Variants in ASH2L observed in about 807,000 individuals in gnomAD.
ASH2L encodes the protein ASH2 like, histone lysine methyltransferase complex subunit.
ASH2L carries 30 observed loss-of-function variants against 81.1 expected under a neutral mutation model. That is an observed-to-expected ratio of 0.37 (90% CI 0.28 to 0.50). The LOEUF is 0.50. Ranked by LOEUF, ASH2L falls within the 20% of genes least tolerant of loss-of-function variation. The pLI is 0.95. For missense variants in ASH2L, 559 were observed against 792.1 expected (o/e 0.71, Z 3.53); for synonymous variants, 273 against 279.9 (o/e 0.98, Z 0.24).
chr8:38,120,175 A>G (rs1348963017), intron 9 of ASH2L, among the ~76,000 whole-genome samples: 1 of 152,236 alleles, frequency 6.6e-6, no homozygotes, highest in African/African-American at 2.4e-5. Context: ...ATTTAAGTGT[A>G]CATACATTTG....
At chr8:38,138,421 A>C (rs1419517121) in intron 14 of ASH2L, 1 of 172,942 alleles carries the variant, frequency 5.8e-6, no homozygotes, top group East Asian at 1.7e-4. Flanking sequence ...GTAAATCGGC[A>C]CTTCACATAA....
intron 2 of ASH2L, 88 bp downstream of exon 2, chr8:38,106,532 G>C: frequency 8.6e-7 from 1 of 1,158,378 alleles, no homozygotes; most frequent in Non-Finnish European, 1.2e-6. Flanking sequence ...TGTTGCGACG[G>C]AGCCTTGCTC....
In ASH2L at chr8:38,135,750, T is replaced by A; in HGVS notation, c.1703T>A (p.Leu568Gln). Reference protein sequence around the residue: ...FEGVYFPAISLYKSCTVSINF... With the variant: ...FEGVYFPAISQYKSCTVSINF... The stretch of plus-strand genomic sequence containing the variant: ...GGGGTTTACTTCCCAGCCATCTCAC[T>A]GTACAAGAGCTGCACGGTACGTACA... The change falls in exon 14 of 16, where the codon CTG becomes CAG. Residue 568 changes from leucine (L) to glutamine (Q), a missense_variant. Physicochemically the swap from Leu to Gln is moderately radical, Grantham distance 113. Transcript: ENST00000343823. 6.2e-7 allele frequency: 1 copy of A among 1,612,796 alleles called. No homozygotes were observed. Among genetic ancestry groups the A allele is most frequent in the Non-Finnish European group, 8.5e-7 (1 of 1,179,216 alleles).
At position 38,133,694 on chromosome 8, in the gene ASH2L, C is replaced by T. The variant is rs1018681775; in HGVS notation, c.1620+148C>T. Reference sequence around the variant, plus strand: ...TGGCCAGCGGCAAGCTCACCCTCTGCTTATTGTGTTTTGCTCTTTATGTAG... The same window carrying T: ...TGGCCAGCGGCAAGCTCACCCTCTGTTTATTGTGTTTTGCTCTTTATGTAG... On this transcript the variant is annotated intron_variant, in intron 13 of 15. Coordinates refer to ENST00000343823, the MANE Select transcript of ASH2L (RefSeq NM_004674.5). 8.0e-6 allele frequency: 5 copies of T among 625,922 alleles called. No homozygotes were observed. In the Admixed American group the frequency reaches 1.2e-4, roughly 15 times the overall value. The allele number at this position is 625,922 out of a possible 1,614,324, so 38.8% of individuals were successfully genotyped here.
chr8:38,110,609 C>T, intron 4 of ASH2L, 130 bp from the exon 5 acceptor site: 3 of 1,108,744 alleles, frequency 2.7e-6, no homozygotes, highest in Non-Finnish European at 4.0e-6. Flanking sequence ...TGCAATTGCC[C>T]ATTTCAGGTC....
intron 12 of ASH2L, 23 bp downstream of exon 12, chr8:38,128,974 G>A: frequency 1.2e-6 from 2 of 1,601,924 alleles, no homozygotes; most frequent in South Asian, 2.2e-5. Context: ...TCTCCCGGCA[G>A]ATTCCTGGCT....
intron 13 of ASH2L, 125 bp from the exon 14 acceptor site, chr8:38,135,543 T>C: frequency 3.2e-6 from 2 of 626,238 alleles, no homozygotes; most frequent in Non-Finnish European, 5.6e-6. Context: ...ACACAAGTTA[T>C]GCACTGTTCT....
intron 3 of ASH2L, among the ~76,000 whole-genome samples, chr8:38,108,693 T>C (rs7828140): frequency 0.85 from 128,919 of 151,898 alleles, 54,771 homozygotes; most frequent in Middle Eastern, 0.93. Flanking sequence ...CAGTGGTGCG[T>C]GCCTGTAGTC....
chr8:38,135,981 C>T (rs906363551), intron 14 of ASH2L, among the ~76,000 whole-genome samples: 1 of 152,012 alleles, frequency 6.6e-6, no homozygotes, highest in South Asian at 2.1e-4. Context: ...GTGCGCCATA[C>T]TTTTCCCTTG....
In ASH2L at chr8:38,133,555, T is replaced by C. The variant is rs766238708; in HGVS notation, c.1620+9T>C. ...AGACTCCCCATAGTGAGGTGAGTCA[T>C]GGCCATAAGAACATTAGAATCATAA... is the stretch of plus-strand genomic sequence containing the variant. On this transcript the variant is annotated intron_variant, in intron 13 of 15. Transcript: ENST00000343823. 23 of 1,588,186 alleles carry C rather than the reference T, an allele frequency of 1.4e-5. No individual in the cohort carries two copies. The African/African-American group carries it at 3.0e-4, about 21-fold the overall frequency.
At position 38,106,504 on chromosome 8, in the gene ASH2L, TTC is replaced by T. The variant is rs938231044; in HGVS notation, c.255+62_255+63del. 5.0e-5 allele frequency: 68 copies of T among 1,372,620 alleles called. No individual in the cohort carries two copies. The East Asian group carries it at 9.6e-4, about 19-fold the overall frequency. The allele number at this position is 1,372,620 out of a possible 1,614,324, so 85.0% of individuals were successfully genotyped here. A position where few individuals can be genotyped will look rare whatever the true frequency, so the allele number is the denominator to read the frequency against. On this transcript the variant is annotated intron_variant, in intron 2 of 15. Transcript: ENST00000343823. ...GGTTTGTTTTAGTTATTTCTTCTTC[TTC>T]TTTTTTTTTTTTTTTTGTTGCGACG... is the stretch of plus-strand genomic sequence containing the variant.
rs1810802769 is a variant in ASH2L, at chr8:38,114,250, G to A, written c.644G>A (p.Gly215Glu). Reference protein sequence around the residue: ...WECMTTRQRPGKMTWPNNIVK... With the variant: ...WECMTTRQRPEKMTWPNNIVK... ...TGCATGACAACCAGACAGAGACCTG[G>A]GAAAATGACTTGGCCAAATAACATT... is the stretch of plus-strand genomic sequence containing the variant. Residue 215 changes from glycine to glutamate, a missense_variant, in exon 6 of 16, where the codon GGG (glycine) becomes GAG (glutamate). Coordinates refer to ENST00000343823, the MANE Select transcript of ASH2L (RefSeq NM_004674.5). 1 of 1,606,530 alleles carries A rather than the reference G, an allele frequency of 6.2e-7. No homozygotes were observed. Among genetic ancestry groups the A allele is most frequent in the Non-Finnish European group, 8.5e-7 (1 of 1,176,574 alleles).
rs1288522223 is a variant in ASH2L, at chr8:38,110,914, C to T, written c.585+81C>T. 5.5e-5 allele frequency: 64 copies of T among 1,167,808 alleles called. No individual in the cohort carries two copies. The Admixed American group carries it at 1.3e-3, about 23-fold the overall frequency. 72.3% of individuals were successfully genotyped at this position (1,167,808 alleles called of 1,614,324 possible). A position where few individuals can be genotyped will look rare whatever the true frequency, so the allele number is the denominator to read the frequency against. On this transcript the variant is annotated intron_variant, in intron 5 of 15. Coordinates refer to ENST00000343823, the MANE Select transcript of ASH2L (RefSeq NM_004674.5). ...AAATATACTCCCTAACAAGTACTTT[C>T]TTCCCAGTTTTTATTGAATATATGA...
chr8:38,136,047 A>T (rs1047665677), intron 14 of ASH2L, among the ~76,000 whole-genome samples: 2 of 151,704 alleles, frequency 1.3e-5, no homozygotes, highest in African/African-American at 4.9e-5. Context: ...ACATACACAA[A>T]TCCTCCTGGG....
At chr8:38,126,714 C>T (rs962242515) in intron 10 of ASH2L, among the ~76,000 whole-genome samples, 3 of 151,460 alleles carry the variant, frequency 2.0e-5, no homozygotes, top group Non-Finnish European at 4.4e-5. Context: ...ATTAGCCGGG[C>T]GTGGTGGCGG....
At position 38,139,590 on chromosome 8, in the gene ASH2L, G is replaced by A. The variant is rs1449081337; in HGVS notation, c.*519G>A. ...TTTGTTCATTTTGAAATACACTTTTGAACACTGAGATCCGTAAAACTACTA... is the reference window on the plus strand; with the variant it reads ...TTTGTTCATTTTGAAATACACTTTTAAACACTGAGATCCGTAAAACTACTA... On this transcript the variant is annotated 3_prime_UTR_variant, in exon 16 of 16. Transcript: ENST00000343823. 2 of 152,474 alleles carry A rather than the reference G, an allele frequency of 1.3e-5. No homozygotes were observed. Among genetic ancestry groups the A allele is most frequent in the South Asian group, 2.1e-4 (1 of 4,830 alleles). 9.4% of individuals were successfully genotyped at this position (152,474 alleles called of 1,614,324 possible).
Position 38,121,113 on chromosome 8 carries a change from T to C in ASH2L, c.1129T>C (p.Leu377=), listed in dbSNP as rs757462770. ...PIPGDLYRAC[L]YERVLLALHD... ...TCCTGGAGACCTCTACAGAGCCTGC[T>C]TGTATGAACGGGTTTTGTTAGCCCT... is the stretch of plus-strand genomic sequence containing the variant. Residue 377 remains leucine, a synonymous_variant, in exon 10 of 16, where the codon TTG becomes CTG. Transcript: ENST00000343823. 1 of 1,613,648 alleles carries C rather than the reference T, an allele frequency of 6.2e-7. No homozygotes were observed. The highest frequency in any genetic ancestry group is 1.1e-5 in the South Asian group (1 of 91,030).
intron 8 of ASH2L, chr8:38,117,472 G>A (rs1457122097): frequency 1.0e-6 from 1 of 985,216 alleles, no homozygotes; most frequent in Non-Finnish European, 1.2e-6. Context: ...TTTTGGAGGT[G>A]AATTCCTCCA....
intron 3 of ASH2L, 73 bp from the exon 4 acceptor site, chr8:38,110,306 T>G (rs922588305): frequency 1.7e-6 from 2 of 1,181,390 alleles, no homozygotes; most frequent in Non-Finnish European, 2.5e-6. Flanking sequence ...AGTGAGAGCC[T>G]GTCTTTAAAA....
Sources: gnomAD v4.1 joint callset for allele counts (sites outside exome capture counted in the v4.1 genomes callset) on GRCh38, gnomAD v4.1.1 for gene constraint, MANE v1.5 for transcripts, NCBI Gene and HGNC (gene_info 2026-07-23, HGNC 2026-07-21) for gene names.